The following MACROD2 variants were observed in gnomAD, a reference collection of about 807,000 sequenced individuals.
The protein encoded by MACROD2 is ADP-ribose glycohydrolase MACROD2.
A neutral mutation model predicts 70.4 loss-of-function variants in MACROD2; 36 were observed. The observed-to-expected ratio is 0.51, with a 90% CI of 0.39 to 0.68. The LOEUF (loss-of-function observed/expected upper bound fraction) is 0.68. Ranked by LOEUF, MACROD2 falls within the 30% of genes least tolerant of loss-of-function variation. MACROD2 has a pLI of 0.00. For synonymous variants in MACROD2, 172 were observed against 178.8 expected, an observed-to-expected ratio of 0.96 and a Z score of 0.30; for missense variants, 496 against 538.4, an observed-to-expected ratio of 0.92 and a Z score of 0.78.
At chr20:14,008,452 A>G (rs1484547004) in intron 2 of MACROD2, among the ~76,000 whole-genome samples, 3 of 152,212 alleles carry the variant, frequency 2.0e-5, no homozygotes, top group Non-Finnish European at 2.9e-5. Flanking sequence ...CCTACAAACC[A>G]CTGCTCAAGG....
intron 5 of MACROD2, among the ~76,000 whole-genome samples, chr20:15,160,444 T>C (rs1467256340): frequency 6.6e-6 from 1 of 152,142 alleles, no homozygotes; most frequent in Non-Finnish European, 1.5e-5. Context: ...GAGAGTATAG[T>C]AGAGAACACA....
At chr20:14,960,260 G>A (rs2074571798) in intron 5 of MACROD2, among the ~76,000 whole-genome samples, 1 of 152,074 alleles carries the variant, frequency 6.6e-6, no homozygotes, top group African/African-American at 2.4e-5. Flanking sequence ...TCATTATTCA[G>A]CACATGTTGA....
At chr20:15,330,939 C>T (rs2077985023) in intron 6 of MACROD2, among the ~76,000 whole-genome samples, 1 of 151,620 alleles carries the variant, frequency 6.6e-6, no homozygotes, top group South Asian at 2.1e-4. Context: ...TTACTTGTGG[C>T]TTGCATAAAA....
At chr20:14,677,327 G>T (rs1157604854) in intron 4 of MACROD2, among the ~76,000 whole-genome samples, 1 of 152,178 alleles carries the variant, frequency 6.6e-6, no homozygotes, top group Non-Finnish European at 1.5e-5. Flanking sequence ...GAACAAAAGT[G>T]ACAACAATTC....
intron 3 of MACROD2, among the ~76,000 whole-genome samples, chr20:14,340,181 G>A (rs922691730): frequency 2.0e-5 from 3 of 152,196 alleles, no homozygotes; most frequent in African/African-American, 4.8e-5. Flanking sequence ...TAGGAAGGGA[G>A]GAGGTGGATT....
chr20:15,826,124 A>G (rs2063994782), intron 8 of MACROD2, among the ~76,000 whole-genome samples: 2 of 152,232 alleles, frequency 1.3e-5, no homozygotes, highest in African/African-American at 2.4e-5. Flanking sequence ...CTTTGATCAT[A>G]AAGAGAAGTT....
intron 6 of MACROD2, among the ~76,000 whole-genome samples, chr20:15,246,237 G>T (rs963160850): frequency 4.6e-5 from 7 of 152,150 alleles, no homozygotes; most frequent in Non-Finnish European, 1.0e-4. Context: ...ATAGTGAATA[G>T]GGTGCTCATA....
chr20:14,029,165 A>G (rs1206110123), intron 2 of MACROD2, among the ~76,000 whole-genome samples: 1 of 152,192 alleles, frequency 6.6e-6, no homozygotes, highest in Admixed American at 6.5e-5. Flanking sequence ...TTGTCCAGTT[A>G]TATCACTGGA....
chr20:14,444,152 TA>T (rs2084157652), intron 3 of MACROD2, among the ~76,000 whole-genome samples: 1 of 152,078 alleles, frequency 6.6e-6, no homozygotes, highest in Non-Finnish European at 1.5e-5. Context: ...TACAGTAAAT[TA>T]GAAGCATAAG....
chr20:15,716,196 T>A (rs1160603169), intron 8 of MACROD2, among the ~76,000 whole-genome samples: 1 of 152,286 alleles, frequency 6.6e-6, no homozygotes, highest in South Asian at 2.1e-4. Flanking sequence ...AAATATCCGC[T>A]TAAAAAATGC....
rs1187979531 is a variant in MACROD2, at chr20:14,484,297, A to C, written c.272-9182A>C. 3.3e-5 allele frequency among the ~76,000 whole-genome samples: 5 copies of C among 151,812 alleles called. No individual in the cohort carries two copies. The East Asian group carries it at 9.7e-4, about 29-fold the overall frequency. On this transcript the variant is annotated intron_variant, in intron 3 of 17. Coordinates refer to ENST00000684519, the MANE Select transcript of MACROD2 (RefSeq NM_001351661.2). The stretch of plus-strand genomic sequence containing the variant: ...TTGGAGAATTTTTTTTTAATTTTTA[A>C]TTTTTGTGGGTACATAGTAGATGTG...
intron 3 of MACROD2, among the ~76,000 whole-genome samples, chr20:14,206,158 A>G (rs544214329): frequency 1.3e-5 from 2 of 152,366 alleles, no homozygotes; most frequent in South Asian, 4.1e-4. Context: ...GGGATATTGC[A>G]AAGTATCTTA....
At chr20:15,109,737 C>A (rs745838974) in intron 5 of MACROD2, among the ~76,000 whole-genome samples, 70 of 152,118 alleles carry the variant, frequency 4.6e-4, no homozygotes, top group Non-Finnish European at 8.2e-4. Context: ...CTGTTGAATG[C>A]GCTCAGGAAC....
intron 4 of MACROD2, among the ~76,000 whole-genome samples, chr20:14,679,043 A>G (rs1189266875): frequency 6.6e-6 from 1 of 152,180 alleles, no homozygotes. Context: ...TTATTAAGAT[A>G]GGTGGGGATA....
intron 4 of MACROD2, among the ~76,000 whole-genome samples, chr20:14,531,113 G>A (rs1476262624): frequency 6.6e-6 from 1 of 152,178 alleles, no homozygotes; most frequent in Non-Finnish European, 1.5e-5. Flanking sequence ...GTAGGAGGAG[G>A]AGGGATGGAA....
chr20:14,496,648 A>AAGAGTGAAATCATAAACCATGTG (rs2084856220), intron 4 of MACROD2, among the ~76,000 whole-genome samples: 30 of 151,952 alleles, frequency 2.0e-4, no homozygotes, highest in African/African-American at 6.8e-4. Context: ...TGATGTGATT[A>AAGAGTGAAATCATAAACCATGTG]CTTCTACTCA....
intron 3 of MACROD2, among the ~76,000 whole-genome samples, chr20:14,410,217 CTTTT>C (rs11469280): frequency 1.9e-4 from 26 of 134,352 alleles, no homozygotes; most frequent in Non-Finnish European, 2.2e-4. Flanking sequence ...GTTTGCATTT[CTTTT>C]TTTTTTTTTT....
At chr20:15,093,251 T>C (rs994055062) in intron 5 of MACROD2, among the ~76,000 whole-genome samples, 89 of 152,192 alleles carry the variant, frequency 5.8e-4, no homozygotes, top group African/African-American at 2.1e-3. Flanking sequence ...CAGGTATATC[T>C]GGATGTTTTG....
chr20:14,946,476 G>C (rs1229185916), intron 5 of MACROD2, among the ~76,000 whole-genome samples: 1 of 152,000 alleles, frequency 6.6e-6, no homozygotes, highest in African/African-American at 2.4e-5. Context: ...TTAATTAATT[G>C]CAGATAAAAG....
Sources: gnomAD v4.1 joint callset for allele counts (sites outside exome capture counted in the v4.1 genomes callset) on GRCh38, gnomAD v4.1.1 for gene constraint, MANE v1.5 for transcripts, NCBI Gene and HGNC (gene_info 2026-07-23, HGNC 2026-07-21) for gene names.